The following JKAMP variants were observed in gnomAD, a reference collection of about 807,000 sequenced individuals.
JKAMP encodes the protein JNK1/MAPK8 associated membrane protein, also known as JNK1/MAPK8-associated membrane protein.
In JKAMP, 20 loss-of-function variants were observed where a neutral mutation model predicts 40.2. The ratio of observed to expected loss-of-function variants is 0.50; its 90% CI spans 0.35 to 0.72. JKAMP has a LOEUF of 0.72. Ranked by LOEUF, JKAMP falls within the 30% of genes least tolerant of loss-of-function variation. JKAMP has a pLI of 0.01. For synonymous variants in JKAMP, 138 were observed against 131.6 expected (o/e 1.05, Z -0.33); for missense variants, 276 against 373.0 (o/e 0.74, Z 2.14).
rs1363531224 is a variant in JKAMP at position 59,505,294 on chromosome 14, G to C, written c.*1222G>C. The C allele has an allele frequency of 3.3e-6, 5 of 1,499,726 alleles. No homozygotes were observed. The highest frequency in any genetic ancestry group is 4.5e-6 in the Non-Finnish European group (5 of 1,121,652). 92.9% of individuals were successfully genotyped at this position (1,499,726 alleles called of 1,614,324 possible). A position where few individuals can be genotyped will look rare whatever the true frequency, so the allele number is the denominator to read the frequency against. ...TTTAACCACTGGGAAATGAACCCTT[G>C]TACGAATGTGTTTCTTCTTCTCTGT... On this transcript the variant is annotated 3_prime_UTR_variant, in exon 7 of 7. Transcript: ENST00000616435.
intron 3 of JKAMP, among the ~76,000 whole-genome samples, chr14:59,491,002 A>G (rs1225805640): frequency 6.6e-6 from 1 of 152,238 alleles, no homozygotes; most frequent in Non-Finnish European, 1.5e-5. Flanking sequence ...GGTGGGTTTA[A>G]AAAGAGGGAG....
At chr14:59,484,730 C>A in intron 1 of JKAMP, 137 bp downstream of exon 1, 3 of 1,160,036 alleles carry the variant, frequency 2.6e-6, no homozygotes, top group South Asian at 1.4e-5. Flanking sequence ...CGCCCGCCCT[C>A]GGGCCGGGCT....
chr14:59,495,258 T>A (rs997806766), intron 4 of JKAMP, 34 bp downstream of exon 4: 1 of 1,460,412 alleles, frequency 6.8e-7, no homozygotes, highest in Non-Finnish European at 9.6e-7. Flanking sequence ...ATCATTGTTT[T>A]TTTTTAAATC....
chr14:59,490,333 A>G (rs1414081090), intron 3 of JKAMP, among the ~76,000 whole-genome samples: 5 of 152,156 alleles, frequency 3.3e-5, no homozygotes, highest in African/African-American at 1.2e-4. Flanking sequence ...CCATGACCCA[A>G]ATACTTCCCA....
intron 3 of JKAMP, among the ~76,000 whole-genome samples, chr14:59,488,075 C>G (rs1890715425): frequency 6.6e-6 from 1 of 151,984 alleles, no homozygotes; most frequent in Non-Finnish European, 1.5e-5. Context: ...TACTTCTCAA[C>G]TATAATCCTT....
At chr14:59,486,274 T>C (rs1890561677) in intron 1 of JKAMP, among the ~76,000 whole-genome samples, 1 of 152,248 alleles carries the variant, frequency 6.6e-6, no homozygotes, top group South Asian at 2.1e-4. Context: ...TGTTCTGTTA[T>C]GAACATAGGT....
intron 1 of JKAMP, among the ~76,000 whole-genome samples, chr14:59,486,415 C>T (rs1360734569): frequency 1.3e-5 from 2 of 152,168 alleles, no homozygotes; most frequent in Non-Finnish European, 2.9e-5. Context: ...CAGTTAAACT[C>T]AGAAGTATCC....
chr14:59,487,490 A>G (rs1172986666), intron 2 of JKAMP, 184 bp from the exon 3 acceptor site: 15 of 493,888 alleles, frequency 3.0e-5, no homozygotes, highest in Non-Finnish European at 4.7e-5. Flanking sequence ...AGCATTGTAC[A>G]AATATAGCAC....
At chr14:59,500,315 A>C (rs1026129972) in intron 5 of JKAMP, among the ~76,000 whole-genome samples, 7 of 152,200 alleles carry the variant, frequency 4.6e-5, no homozygotes, top group African/African-American at 1.7e-4. Flanking sequence ...AATTGTTCCA[A>C]ATGGGTTCTA....
intron 1 of JKAMP, 100 bp from the exon 2 acceptor site, chr14:59,486,613 A>C: frequency 1.3e-6 from 1 of 794,394 alleles, no homozygotes; most frequent in Non-Finnish European, 2.1e-6. Context: ...ATTATTCAAA[A>C]ATTTGAAACT....
rs1343917915 is a variant in JKAMP at position 59,504,297 on chromosome 14, G to A, written c.*225G>A. ...ACAGGGTAATATTATCTGCTACACT[G>A]GAAGGCCGCTAGGAAGCCCTTGCTT... On this transcript the variant is annotated 3_prime_UTR_variant, in exon 7 of 7. Coordinates refer to ENST00000616435, the MANE Select transcript of JKAMP (RefSeq NM_016475.5). The A allele has an allele frequency of 4.0e-6, 2 of 498,294 alleles. No individual in the cohort carries two copies. Among genetic ancestry groups the A allele is most frequent in the Non-Finnish European group, 7.1e-6 (2 of 282,312 alleles). 30.9% of individuals were successfully genotyped at this position (498,294 alleles called of 1,614,324 possible).
chr14:59,486,587 CT>C (rs1472212251), intron 1 of JKAMP, 125 bp from the exon 2 acceptor site: 2 of 670,912 alleles, frequency 3.0e-6, no homozygotes, highest in Admixed American at 2.8e-5. Context: ...TGCTTCAAGA[CT>C]TTTGTCTAAT....
chr14:59,484,728 C>T (rs80087397), intron 1 of JKAMP, 135 bp downstream of exon 1: 67,032 of 1,174,756 alleles, frequency 0.057, 2,484 homozygotes, highest in African/African-American at 0.16. Flanking sequence ...CCCGCCCGCC[C>T]TCGGGCCGGG....
intron 3 of JKAMP, among the ~76,000 whole-genome samples, chr14:59,490,164 C>G (rs1400101856): frequency 6.6e-6 from 1 of 152,136 alleles, no homozygotes; most frequent in East Asian, 1.9e-4. Flanking sequence ...GCAAGCAGTC[C>G]TCCTGCCTCA....
In JKAMP at chr14:59,504,227, G is replaced by T; in HGVS notation, c.*155G>T. On this transcript the variant is annotated 3_prime_UTR_variant, in exon 7 of 7. Coordinates refer to ENST00000616435, the MANE Select transcript of JKAMP (RefSeq NM_016475.5). ...TTTGTCTTTGTTTTGTTTATGGTTA[G>T]ACTTACAGACTTGGAAAATGCAAAA... 1 of 612,778 alleles carries T rather than the reference G, an allele frequency of 1.6e-6. No individual in the cohort carries two copies. The highest frequency in any genetic ancestry group is 1.8e-5 in the African/African-American group (1 of 54,144). 38.0% of individuals were successfully genotyped at this position (612,778 alleles called of 1,614,324 possible). A position where few individuals can be genotyped will look rare whatever the true frequency, so the allele number is the denominator to read the frequency against.
At position 59,495,039 on chromosome 14, in the gene JKAMP, C is replaced by T. The variant is rs746239947; in HGVS notation, c.273C>T (p.His91=). The part of the protein sequence containing the change: ...GKKSSSALFQ[H]ITALFECSMA... Reference sequence around the variant, plus strand: ...CTAGTTCCAGCGCACTTTTCCAACACATCACTGCATTATTTGAATGCAGCA... The same window carrying T: ...CTAGTTCCAGCGCACTTTTCCAACATATCACTGCATTATTTGAATGCAGCA... The change falls in exon 4 of 7, where the codon CAC becomes CAT. Residue 91 remains histidine, a synonymous_variant. Coordinates refer to ENST00000616435, the MANE Select transcript of JKAMP (RefSeq NM_016475.5). The T allele has an allele frequency of 3.1e-6, 5 of 1,613,770 alleles. No individual in the cohort carries two copies. The highest frequency in any genetic ancestry group is 4.5e-5 in the East Asian group (2 of 44,872).
At chr14:59,500,781 C>T (rs1891820058) in intron 5 of JKAMP, 1 of 153,908 alleles carries the variant, frequency 6.5e-6, no homozygotes, top group African/African-American at 2.4e-5. Flanking sequence ...CTTAATAAGG[C>T]AAGGTTCTTC....
Position 59,487,202 on chromosome 14 carries a change from C to CA in JKAMP, c.96+408dup, listed in dbSNP as rs1402554871. ...TGGGCAACAGAGGGAGACTCTGTCT[C>CA]AAAAAAAAAATAAAATAAGGAAATA... On this transcript the variant is annotated intron_variant, in intron 2 of 6. Transcript: ENST00000616435. The CA allele has an allele frequency of 3.2e-3, 469 of 145,046 alleles. 2 individuals carry two copies. Among genetic ancestry groups the CA allele is most frequent in the East Asian group, 0.017 (88 of 5,046 alleles). 9.0% of individuals were successfully genotyped at this position (145,046 alleles called of 1,614,324 possible). A position where few individuals can be genotyped will look rare whatever the true frequency, so the allele number is the denominator to read the frequency against.
At chr14:59,500,482 A>T (rs1375626076) in intron 5 of JKAMP, among the ~76,000 whole-genome samples, 1 of 152,226 alleles carries the variant, frequency 6.6e-6, no homozygotes, top group Non-Finnish European at 1.5e-5. Context: ...AAATTTGCTT[A>T]AAGTATTACT....
Sources: allele counts gnomAD v4.1 joint callset (sites outside exome capture counted in the v4.1 genomes callset), GRCh38; gene constraint gnomAD v4.1.1; transcripts MANE v1.5; gene names NCBI Gene and HGNC (gene_info 2026-07-23, HGNC 2026-07-21).